The following PCDH15 variants were observed in gnomAD, a reference collection of about 807,000 sequenced individuals.
PCDH15 encodes protocadherin-15.
In PCDH15, 129 loss-of-function variants were observed where a neutral mutation model predicts 178.5. The ratio of observed to expected loss-of-function variants is 0.72; its 90% confidence interval spans 0.63 to 0.84. The LOEUF is 0.84. Among genes scored for constraint, PCDH15 ranks in the 40% least tolerant of loss-of-function variants. The pLI is 0.00. For missense variants in PCDH15, 2,230 were observed against 2,099.9 expected (o/e 1.06, Z -1.21); for synonymous variants, 800 against 732.0 (o/e 1.09, Z -1.50).
At chr10:54,843,265 C>A (rs1669023302) in intron 3 of PCDH15, among the ~76,000 whole-genome samples, 1 of 151,920 alleles carries the variant, frequency 6.6e-6, no homozygotes, top group African/African-American at 2.4e-5. Context: ...TAATTGGCAT[C>A]CTGCTCAAGG....
chr10:54,399,114 T>C (rs890494123), intron 3 of PCDH15, among the ~76,000 whole-genome samples: 1 of 152,038 alleles, frequency 6.6e-6, no homozygotes, highest in African/African-American at 2.4e-5. Flanking sequence ...GCATTTTCTT[T>C]TTAGAAACCA....
intron 8 of PCDH15, among the ~76,000 whole-genome samples, chr10:54,248,111 A>G (rs955289433): frequency 2.8e-4 from 43 of 151,826 alleles, no homozygotes; most frequent in African/African-American, 9.9e-4. Context: ...ATTTGAAACT[A>G]GAAGCTTAAT....
chr10:54,282,401 T>TA (rs2058755814), intron 8 of PCDH15, among the ~76,000 whole-genome samples: 1 of 152,050 alleles, frequency 6.6e-6, no homozygotes. Context: ...GTGTTAGGAC[T>TA]TTACAACAGG....
At chr10:55,308,085 ATAT>A (rs1377178406) in intron 1 of PCDH15, among the ~76,000 whole-genome samples, 1 of 152,208 alleles carries the variant, frequency 6.6e-6, no homozygotes, top group African/African-American at 2.4e-5. Flanking sequence ...ATCACAATAA[ATAT>A]TATAGAAAAC....
At chr10:54,131,431 T>C (rs1445145998) in intron 15 of PCDH15, among the ~76,000 whole-genome samples, 2 of 152,160 alleles carry the variant, frequency 1.3e-5, no homozygotes, top group African/African-American at 4.8e-5. Flanking sequence ...AAATGAACTA[T>C]CTTAATATTT....
chr10:54,057,277 T>C (rs1257399784), intron 18 of PCDH15, among the ~76,000 whole-genome samples: 1 of 152,250 alleles, frequency 6.6e-6, no homozygotes, highest in African/African-American at 2.4e-5. Flanking sequence ...ATTTCCCTTC[T>C]GCACTACCCT....
intron 1 of PCDH15, among the ~76,000 whole-genome samples, chr10:54,752,332 C>G (rs1394436930): frequency 6.6e-6 from 1 of 151,612 alleles, no homozygotes; most frequent in Admixed American, 6.6e-5. Flanking sequence ...AAAAAATTAG[C>G]CGGGCGTGGT....
chr10:54,819,749 T>C (rs770231878), intron 3 of PCDH15, among the ~76,000 whole-genome samples: 32 of 152,068 alleles, frequency 2.1e-4, no homozygotes, highest in Non-Finnish European at 3.1e-4. Flanking sequence ...CACTTCTTTT[T>C]GTTTTATGTC....
intron 12 of PCDH15, among the ~76,000 whole-genome samples, chr10:54,184,049 T>C (rs1486816770): frequency 6.6e-6 from 1 of 152,180 alleles, no homozygotes; most frequent in African/African-American, 2.4e-5. Flanking sequence ...ATTCACCCAA[T>C]GGCAATTTTC....
At position 55,000,221 on chromosome 10, in the gene PCDH15, G is replaced by A. The variant is rs886557320; in HGVS notation, c.-79-102721C>T. On this transcript the variant is annotated intron_variant, in intron 2 of 5. Transcript: ENST00000458638. ...GGGCTTATTTCATCCCTACAGCTTC[G>A]ACCATAAAAGACGGCCACCTGCTGA... Among the ~76,000 whole-genome samples the A allele has an allele frequency of 1.1e-4, 17 of 152,208 alleles. No individual in the cohort carries two copies. The East Asian group carries it at 1.4e-3, about 12-fold the overall frequency.
rs948973926 is a variant in PCDH15 at position 53,825,986 on chromosome 10, A to T, written c.4367+1407T>A. Among the ~76,000 whole-genome samples the T allele has an allele frequency of 3.1e-4, 47 of 151,668 alleles. 1 individual carries two copies. Among genetic ancestry groups the T allele is most frequent in the Admixed American group, 3.1e-3 (47 of 15,260 alleles). ...TAGTATACCTGTTCTTATTAATTTA[A>T]AATGAATACATAATTCATTAATTTC... is the stretch of plus-strand genomic sequence containing the variant. On this transcript the variant is annotated intron_variant, in intron 32 of 37. Transcript: ENST00000644397.
intron 2 of PCDH15, among the ~76,000 whole-genome samples, chr10:55,410,723 G>A (rs1439361784): frequency 6.6e-6 from 1 of 152,050 alleles, no homozygotes; most frequent in African/African-American, 2.4e-5. Flanking sequence ...TTGCTTTCTG[G>A]AGGCTGTCTG....
intron 2 of PCDH15, among the ~76,000 whole-genome samples, chr10:55,378,295 T>G (rs1837447626): frequency 6.6e-6 from 1 of 152,034 alleles, no homozygotes; most frequent in African/African-American, 2.4e-5. Flanking sequence ...TTATAGAACA[T>G]AGGTGGATAT....
intron 2 of PCDH15, among the ~76,000 whole-genome samples, chr10:55,329,285 G>A (rs1446031359): frequency 6.6e-6 from 1 of 151,506 alleles, no homozygotes; most frequent in Non-Finnish European, 1.5e-5. Flanking sequence ...TAACCATGAA[G>A]TTTTAAAAGG....
chr10:54,642,988 T>G (rs1409463414), intron 2 of PCDH15, among the ~76,000 whole-genome samples: 1 of 152,190 alleles, frequency 6.6e-6, no homozygotes, highest in Non-Finnish European at 1.5e-5. Context: ...AATGGCACAG[T>G]CTTGGCTTCC....
intron 2 of PCDH15, among the ~76,000 whole-genome samples, chr10:54,560,242 C>G (rs1269699959): frequency 6.6e-6 from 1 of 151,992 alleles, no homozygotes; most frequent in Admixed American, 6.6e-5. Flanking sequence ...TCGGGAAACA[C>G]TTAAATTACC....
intron 26 of PCDH15, among the ~76,000 whole-genome samples, chr10:53,890,075 G>A (rs1187779771): frequency 2.0e-5 from 3 of 152,288 alleles, no homozygotes; most frequent in Non-Finnish European, 4.4e-5. Flanking sequence ...GAATCTGTGT[G>A]ATTTTGCATA....
chr10:55,368,148 T>C (rs1845412471), intron 2 of PCDH15, among the ~76,000 whole-genome samples: 1 of 152,090 alleles, frequency 6.6e-6, no homozygotes. Flanking sequence ...CAGAATGATA[T>C]TTATTCTCAT....
At chr10:54,733,470 C>A (rs1319551037) in intron 1 of PCDH15, among the ~76,000 whole-genome samples, 1 of 151,174 alleles carries the variant, frequency 6.6e-6, no homozygotes. Flanking sequence ...TGAAAGAAGG[C>A]CTAAGTGATG....
Sources: gnomAD v4.1 joint callset for allele counts (sites outside exome capture counted in the v4.1 genomes callset) on GRCh38, gnomAD v4.1.1 for gene constraint, MANE v1.5 for transcripts, NCBI Gene and HGNC (gene_info 2026-07-23, HGNC 2026-07-21) for gene names.